The following SPRY3 variants were observed in gnomAD, a reference collection of about 807,000 sequenced individuals.
The protein encoded by SPRY3 is sprouty RTK signaling antagonist 3, also known as protein sprouty homolog 3.
In SPRY3, 15 loss-of-function variants were observed where a neutral mutation model predicts 20.2. That is an observed-to-expected ratio of 0.74 (90% CI 0.50 to 1.14). The LOEUF (loss-of-function observed/expected upper bound fraction) is 1.14, where lower values mean the gene tolerates loss of function less well. Ranked by LOEUF, SPRY3 falls within the 50% of genes most tolerant of loss-of-function variation. SPRY3 has a pLI of 0.00. For missense variants in SPRY3, 364 were observed against 363.9 expected (o/e 1.00, Z 0.00); for synonymous variants, 143 against 136.5 (o/e 1.05, Z -0.33).
intron 2 of SPRY3, among the ~76,000 whole-genome samples, chrX:155,746,760 A>G (rs190449149): frequency 1.3e-5 from 2 of 152,028 alleles, no homozygotes; most frequent in South Asian, 2.1e-4. Flanking sequence ...CATGACCCCA[A>G]TAAATGAACT....
At chrX:155,753,753 C>T (rs974916505) in intron 2 of SPRY3, among the ~76,000 whole-genome samples, 3 of 151,916 alleles carry the variant, frequency 2.0e-5, no homozygotes, top group Non-Finnish European at 4.4e-5. Context: ...CTCACTACCA[C>T]GTGTGATTGT....
At chrX:155,743,549 T>C (rs188057975) in intron 2 of SPRY3, among the ~76,000 whole-genome samples, 1 of 152,258 alleles carries the variant, frequency 6.6e-6, no homozygotes, top group African/African-American at 2.4e-5. Context: ...TTAGTAACAC[T>C]GTGAGGGTAA....
chrX:155,728,025 G>T (rs1461737205), intron 2 of SPRY3, among the ~76,000 whole-genome samples: 1 of 152,148 alleles, frequency 6.6e-6, no homozygotes, highest in Non-Finnish European at 1.5e-5. Context: ...CTTTCTGTTT[G>T]TTAGTTTTCC....
chrX:155,748,822 C>G (rs1445831443), intron 2 of SPRY3, among the ~76,000 whole-genome samples: 1 of 151,704 alleles, frequency 6.6e-6, no homozygotes, highest in Non-Finnish European at 1.5e-5. Context: ...CATTAATTGC[C>G]AAGGGAACAA....
At chrX:155,773,307 G>GTTGTATATATATATATAT (rs4013148) in intron 3 of SPRY3, among the ~76,000 whole-genome samples, 2 of 120,740 alleles carry the variant, frequency 1.7e-5, no homozygotes, top group Non-Finnish European at 3.4e-5. Context: ...ATTTTGATTG[G>GTTGTATATATATATATAT]ATATATATAT....
intron 2 of SPRY3, among the ~76,000 whole-genome samples, chrX:155,739,415 G>A (rs1403650455): frequency 6.6e-5 from 10 of 152,190 alleles, no homozygotes; most frequent in African/African-American, 2.2e-4. Context: ...GTTTGGACGA[G>A]GTGGAAGGAT....
intron 2 of SPRY3, among the ~76,000 whole-genome samples, chrX:155,657,353 C>T (rs1039307928): frequency 1.8e-5 from 2 of 111,916 alleles, no homozygotes; most frequent in Non-Finnish European, 3.8e-5. Context: ...TGGCCACAGC[C>T]GCTTTGCCAT....
intron 1 of SPRY3, among the ~76,000 whole-genome samples, chrX:155,616,181 C>T (rs2067853489): frequency 1.1e-5 from 1 of 87,419 alleles, no homozygotes; most frequent in African/African-American, 3.9e-5. Context: ...CTCATCCCCT[C>T]GTTCCCTTCC....
At chrX:155,729,214 T>C (rs1447240328) in intron 2 of SPRY3, among the ~76,000 whole-genome samples, 2 of 152,152 alleles carry the variant, frequency 1.3e-5, no homozygotes, top group African/African-American at 4.8e-5. Flanking sequence ...TAAATGAATA[T>C]AATAGATATT....
chrX:155,668,820 C>T (rs1242132328), intron 2 of SPRY3, among the ~76,000 whole-genome samples: 1 of 110,472 alleles, frequency 9.1e-6, no homozygotes, highest in Non-Finnish European at 1.9e-5. Flanking sequence ...TGTTCCAAGC[C>T]ATAACTATCG....
chrX:155,670,512 G>T (rs1209053112), intron 2 of SPRY3, among the ~76,000 whole-genome samples: 2 of 111,870 alleles, frequency 1.8e-5, no homozygotes, highest in Non-Finnish European at 3.8e-5. Context: ...CCTTGTTTTG[G>T]CTCTGCTACT....
chrX:155,769,074 G>C (rs2091365311), intron 3 of SPRY3, among the ~76,000 whole-genome samples: 2 of 152,178 alleles, frequency 1.3e-5, no homozygotes, highest in Admixed American at 1.3e-4. Context: ...ATACAAATAA[G>C]GCACAGGCTA....
intron 2 of SPRY3, among the ~76,000 whole-genome samples, chrX:155,722,108 G>T (rs2091063182): frequency 6.6e-6 from 1 of 152,104 alleles, no homozygotes; most frequent in Non-Finnish European, 1.5e-5. Flanking sequence ...TTTTCTCTTT[G>T]CTTGTATGTT....
intron 2 of SPRY3, among the ~76,000 whole-genome samples, chrX:155,705,508 C>A (rs1324642632): frequency 1.3e-5 from 2 of 151,214 alleles, no homozygotes; most frequent in Non-Finnish European, 3.0e-5. Flanking sequence ...TTTAATCCAA[C>A]CATATCAATA....
At chrX:155,679,331 A>C (rs1311036701) in intron 2 of SPRY3, among the ~76,000 whole-genome samples, 1 of 111,293 alleles carries the variant, frequency 9.0e-6, no homozygotes, top group South Asian at 3.8e-4. Context: ...ACAGAAATGT[A>C]TTGCTCACAG....
At chrX:155,740,119 A>G (rs1396487660) in intron 2 of SPRY3, among the ~76,000 whole-genome samples, 2 of 152,178 alleles carry the variant, frequency 1.3e-5, no homozygotes, top group African/African-American at 4.8e-5. Flanking sequence ...TCAGTTCCCA[A>G]AATTAATACT....
At chrX:155,668,010 A>G (rs1287944662) in intron 2 of SPRY3, among the ~76,000 whole-genome samples, 2 of 83,290 alleles carry the variant, frequency 2.4e-5, no homozygotes, top group East Asian at 8.2e-4. Context: ...TGCTGGTGGG[A>G]GTATTAATTG....
chrX:155,679,909 C>T (rs1347139415), intron 2 of SPRY3, among the ~76,000 whole-genome samples: 1 of 110,237 alleles, frequency 9.1e-6, no homozygotes, highest in African/African-American at 3.3e-5. Context: ...AGCAGGAAGA[C>T]ATTCAAGGCA....
chrX:155,767,917 T>G (rs1414470520), intron 2 of SPRY3, 45 bp from the exon 2 acceptor site: 1 of 127,854 alleles, frequency 7.8e-6, no homozygotes, highest in Admixed American at 7.8e-5. Flanking sequence ...TTGTTTTGTT[T>G]TGTTTTGTTT....
Sources: gnomAD v4.1 joint callset for allele counts (sites outside exome capture counted in the v4.1 genomes callset) on GRCh38, gnomAD v4.1.1 for gene constraint, MANE v1.5 for transcripts, NCBI Gene and HGNC (gene_info 2026-07-23, HGNC 2026-07-21) for gene names.